Variants in CENPP observed in about 807,000 individuals in gnomAD.
The protein encoded by CENPP is centromere protein P.
A neutral mutation model predicts 35.6 loss-of-function variants in CENPP; 24 were observed. The observed-to-expected ratio is 0.67, with a 90% CI of 0.49 to 0.95. The LOEUF (loss-of-function observed/expected upper bound fraction) is 0.95, where lower values mean the gene tolerates loss of function less well. CENPP is among the 40% of genes least tolerant of loss of function. CENPP has a pLI of 0.00. For synonymous variants in CENPP, 120 were observed against 125.5 expected, an observed-to-expected ratio of 0.96 and a Z score of 0.29; for missense variants, 332 against 345.3, an observed-to-expected ratio of 0.96 and a Z score of 0.31.
intron 5 of CENPP, among the ~76,000 whole-genome samples, chr9:92,436,488 A>G (rs1358595500): frequency 6.6e-6 from 1 of 152,212 alleles, no homozygotes; most frequent in Admixed American, 6.5e-5. Context: ...ACAAAGTCCT[A>G]GCTCTCAAAG....
At position 92,368,153 on chromosome 9, in the gene CENPP, T is replaced by A. The variant is rs530655383; in HGVS notation, c.468-11610T>A. Among the ~76,000 whole-genome samples, 9 of 152,366 alleles carry A rather than the reference T, an allele frequency of 5.9e-5. No individual in the cohort carries two copies. The South Asian group carries it at 6.2e-4, about 11-fold the overall frequency. On this transcript the variant is annotated intron_variant, in intron 4 of 7. Coordinates refer to ENST00000375587, the MANE Select transcript of CENPP (RefSeq NM_001012267.3). ...ATAAATTCAGAATCAGGAATGATGA[T>A]GATGCTATATAGCCATAGATCATCT...
At chr9:92,542,732 G>T (rs1320615203) in intron 5 of CENPP, among the ~76,000 whole-genome samples, 3 of 152,160 alleles carry the variant, frequency 2.0e-5, no homozygotes, top group Non-Finnish European at 4.4e-5. Flanking sequence ...GGCCAGGATT[G>T]TCTTGATCTG....
At chr9:92,415,522 C>G (rs754783578) in intron 5 of CENPP, 2 of 1,103,510 alleles carry the variant, frequency 1.8e-6, no homozygotes, top group South Asian at 3.6e-5. Flanking sequence ...ATAGTATAAT[C>G]CATAGTTATA....
At chr9:92,484,997 A>G (rs947894388) in intron 5 of CENPP, among the ~76,000 whole-genome samples, 4 of 152,190 alleles carry the variant, frequency 2.6e-5, no homozygotes, top group African/African-American at 7.2e-5. Context: ...TATTTGGCTT[A>G]TTCACTCTGT....
intron 5 of CENPP, chr9:92,424,205 T>G (rs1468663766): frequency 1.3e-5 from 2 of 152,224 alleles, no homozygotes; most frequent in Non-Finnish European, 1.5e-5. Flanking sequence ...ATCATACCTG[T>G]TCAATTTGCT....
At chr9:92,472,089 C>A (rs573828761) in intron 5 of CENPP, among the ~76,000 whole-genome samples, 3 of 152,186 alleles carry the variant, frequency 2.0e-5, no homozygotes, top group Non-Finnish European at 4.4e-5. Context: ...TGGTGCCTTA[C>A]GCCTGTAATC....
At chr9:92,485,001 A>T (rs535506206) in intron 5 of CENPP, among the ~76,000 whole-genome samples, 11 of 152,114 alleles carry the variant, frequency 7.2e-5, no homozygotes, top group African/African-American at 2.4e-4. Context: ...TGGCTTATTC[A>T]CTCTGTTCTG....
intron 5 of CENPP, among the ~76,000 whole-genome samples, chr9:92,458,510 A>G (rs774633590): frequency 6.6e-6 from 1 of 152,176 alleles, no homozygotes; most frequent in Non-Finnish European, 1.5e-5. Context: ...GGTATAGTTT[A>G]CCATAGTACT....
At chr9:92,567,373 G>GATAGAT (rs1554688237) in intron 5 of CENPP, among the ~76,000 whole-genome samples, 8 of 129,078 alleles carry the variant, frequency 6.2e-5, no homozygotes, top group South Asian at 2.8e-4. Flanking sequence ...ACATAAGATA[G>GATAGAT]ATATATATAT....
chr9:92,570,638 G>T (rs1208940645), intron 5 of CENPP, among the ~76,000 whole-genome samples: 1 of 152,176 alleles, frequency 6.6e-6, no homozygotes, highest in Non-Finnish European at 1.5e-5. Flanking sequence ...GTTTGAAATG[G>T]TTCCAGAAGG....
intron 4 of CENPP, among the ~76,000 whole-genome samples, chr9:92,354,749 C>A (rs541381653): frequency 2.0e-5 from 3 of 152,318 alleles, no homozygotes; most frequent in South Asian, 4.1e-4. Flanking sequence ...GGGGAACCCA[C>A]CCCCAATATT....
intron 1 of CENPP, 38 bp downstream of exon 1, chr9:92,326,143 C>G: frequency 7.2e-7 from 1 of 1,388,374 alleles, no homozygotes; most frequent in Non-Finnish European, 9.8e-7. Flanking sequence ...GCCCGCTGGC[C>G]AGGGTTCCCG....
Position 92,613,383 on chromosome 9 carries a change from A to C in CENPP, c.*234A>C. 1 of 453,354 alleles carries C rather than the reference A, an allele frequency of 2.2e-6. No homozygotes were observed. The highest frequency in any genetic ancestry group is 2.3e-5 in the South Asian group (1 of 44,120). 28.1% of individuals were successfully genotyped at this position (453,354 alleles called of 1,614,324 possible). A position where few individuals can be genotyped will look rare whatever the true frequency, so the allele number is the denominator to read the frequency against. On this transcript the variant is annotated 3_prime_UTR_variant, in exon 8 of 8. Coordinates refer to ENST00000375587, the MANE Select transcript of CENPP (RefSeq NM_001012267.3). Reference sequence around the variant, plus strand: ...CAATGTGGTTTATAAAAATAAGCTTAACATCTGAGAAAATGTACCAAGTGG... The same window carrying C: ...CAATGTGGTTTATAAAAATAAGCTTCACATCTGAGAAAATGTACCAAGTGG...
At chr9:92,358,526 G>A (rs1841653373) in intron 4 of CENPP, among the ~76,000 whole-genome samples, 1 of 152,174 alleles carries the variant, frequency 6.6e-6, no homozygotes, top group African/African-American at 2.4e-5. Context: ...TTACAGGCAT[G>A]AGCCACCACG....
In CENPP at chr9:92,614,372, C is replaced by T. The variant is rs545908800; in HGVS notation, c.*1223C>T. 6.6e-6 allele frequency: 1 copy of T among 152,464 alleles called. No individual in the cohort carries two copies. The highest frequency in any genetic ancestry group is 1.9e-4 in the East Asian group (1 of 5,192). 9.4% of individuals were successfully genotyped at this position (152,464 alleles called of 1,614,324 possible). A position where few individuals can be genotyped will look rare whatever the true frequency, so the allele number is the denominator to read the frequency against. ...CGCTTCCCAGAGCCTGCGGCTTGTCCGTGAGCTCCGTGCACTTCACCAAAG... is the reference window on the plus strand; with the variant it reads ...CGCTTCCCAGAGCCTGCGGCTTGTCTGTGAGCTCCGTGCACTTCACCAAAG... On this transcript the variant is annotated 3_prime_UTR_variant, in exon 8 of 8. Coordinates refer to ENST00000375587, the MANE Select transcript of CENPP (RefSeq NM_001012267.3).
At chr9:92,418,665 T>A (rs1843693044) in intron 5 of CENPP, among the ~76,000 whole-genome samples, 1 of 152,178 alleles carries the variant, frequency 6.6e-6, no homozygotes, top group Non-Finnish European at 1.5e-5. Flanking sequence ...CCTGGGAGAT[T>A]CTACAACTTC....
intron 5 of CENPP, among the ~76,000 whole-genome samples, chr9:92,518,948 C>G (rs1847896708): frequency 6.6e-6 from 1 of 152,110 alleles, no homozygotes; most frequent in African/African-American, 2.4e-5. Context: ...TCCCTACATA[C>G]AAGATTGTAG....
At chr9:92,424,123 T>C (rs1212803769) in intron 5 of CENPP, 2 of 152,192 alleles carry the variant, frequency 1.3e-5, no homozygotes, top group Non-Finnish European at 2.9e-5. Flanking sequence ...TATTTTAATA[T>C]TAAAAAATCC....
chr9:92,482,468 G>A (rs1845944852), intron 5 of CENPP: 1 of 152,086 alleles, frequency 6.6e-6, no homozygotes, highest in African/African-American at 2.4e-5. Flanking sequence ...GGGTGATACT[G>A]GAATAAACTG....
Sources: allele counts gnomAD v4.1 joint callset (sites outside exome capture counted in the v4.1 genomes callset), GRCh38; gene constraint gnomAD v4.1.1; transcripts MANE v1.5; gene names NCBI Gene and HGNC (gene_info 2026-07-23, HGNC 2026-07-21).